The following FARP1 variants were observed in gnomAD, a reference collection of about 807,000 sequenced individuals.
The protein encoded by FARP1 is FERM, ARH/RhoGEF and pleckstrin domain protein 1.
A neutral mutation model predicts 128.8 loss-of-function variants in FARP1; 52 were observed. The ratio of observed to expected loss-of-function variants is 0.40; its 90% CI spans 0.32 to 0.51. The LOEUF (loss-of-function observed/expected upper bound fraction) is 0.51. FARP1 is among the 20% of genes least tolerant of loss of function. The probability of loss-of-function intolerance (pLI) is 0.45; values close to 1 mark genes in which losing one functional copy is unlikely to be tolerated. For missense variants in FARP1, 1,333 were observed against 1,367.9 expected (o/e 0.97, Z 0.40); for synonymous variants, 580 against 551.8 (o/e 1.05, Z -0.72).
chr13:98,409,210 T>A lies in FARP1; in HGVS notation c.1415-128T>A, dbSNP rs949671878. On this transcript the variant is annotated intron_variant, in intron 13 of 26. Transcript: ENST00000319562. ...AGGAAAAAAACTAGAAAATAAAGAA[T>A]CGCTTTAGGTTTGCCATGGCGGGGT... 7 of 685,522 alleles carry A rather than the reference T, an allele frequency of 1.0e-5. No homozygotes were observed. In the Admixed American group the frequency reaches 2.1e-4, roughly 21 times the overall value. The allele number at this position is 685,522 out of a possible 1,614,324, so 42.5% of individuals were successfully genotyped here. A position where few individuals can be genotyped will look rare whatever the true frequency, so the allele number is the denominator to read the frequency against.
At chr13:98,447,918 G>GT (rs1566330565) in intron 26 of FARP1, 36 of 394,184 alleles carry the variant, frequency 9.1e-5, no homozygotes, top group Non-Finnish European at 1.6e-4. Context: ...GCCATTCTCT[G>GT]CCATGTCCAT....
At chr13:98,301,842 A>G (rs571107156) in intron 2 of FARP1, among the ~76,000 whole-genome samples, 12 of 152,260 alleles carry the variant, frequency 7.9e-5, no homozygotes, top group African/African-American at 2.9e-4. Flanking sequence ...GCAGAAAGTA[A>G]AGACTGTCCT....
At chr13:98,362,245 C>T (rs1888902255) in intron 3 of FARP1, among the ~76,000 whole-genome samples, 1 of 152,168 alleles carries the variant, frequency 6.6e-6, no homozygotes, top group African/African-American at 2.4e-5. Context: ...GACGCTGTCT[C>T]AAACAACAAC....
intron 3 of FARP1, among the ~76,000 whole-genome samples, chr13:98,363,152 C>T (rs1237254612): frequency 1.3e-5 from 2 of 152,214 alleles, no homozygotes; most frequent in Non-Finnish European, 2.9e-5. Context: ...AGGATAAGGA[C>T]CAAGCGTCTG....
chr13:98,306,830 T>C (rs1423547844), intron 2 of FARP1, among the ~76,000 whole-genome samples: 1 of 152,168 alleles, frequency 6.6e-6, no homozygotes, highest in African/African-American at 2.4e-5. Flanking sequence ...GGCCTCTAGC[T>C]CCAAAATCTG....
At chr13:98,266,706 G>A (rs932473032) in intron 2 of FARP1, among the ~76,000 whole-genome samples, 3 of 152,088 alleles carry the variant, frequency 2.0e-5, no homozygotes, top group African/African-American at 7.2e-5. Flanking sequence ...GACACACATT[G>A]AAAATTCTAC....
intron 3 of FARP1, among the ~76,000 whole-genome samples, chr13:98,348,920 C>A (rs1472800553): frequency 6.6e-6 from 1 of 151,974 alleles, no homozygotes; most frequent in African/African-American, 2.4e-5. Context: ...CGTGCCCAGT[C>A]CTTAACAATG....
intron 19 of FARP1, chr13:98,437,849 A>G: frequency 6.3e-7 from 1 of 1,596,572 alleles, no homozygotes; most frequent in South Asian, 1.1e-5. Flanking sequence ...GGCCATTGTT[A>G]TTAGTAAAGG....
At chr13:98,191,714 G>A (rs569894033) in intron 1 of FARP1, among the ~76,000 whole-genome samples, 172 of 152,224 alleles carry the variant, frequency 1.1e-3, no homozygotes, top group Non-Finnish European at 2.2e-3. Flanking sequence ...AGGCCGAGGC[G>A]GGCAGATCAC....
intron 3 of FARP1, among the ~76,000 whole-genome samples, chr13:98,344,209 G>A (rs1023122403): frequency 3.9e-5 from 6 of 152,170 alleles, no homozygotes; most frequent in Non-Finnish European, 8.8e-5. Context: ...ATTGGAATAG[G>A]ACCAGACTGG....
intron 6 of FARP1, among the ~76,000 whole-genome samples, chr13:98,378,585 T>C (rs1490571300): frequency 6.6e-6 from 1 of 152,150 alleles, no homozygotes; most frequent in East Asian, 1.9e-4. Context: ...TAAAGGAAAG[T>C]TGTGCTATCA....
At chr13:98,306,376 A>G (rs1265132293) in intron 2 of FARP1, among the ~76,000 whole-genome samples, 2 of 152,224 alleles carry the variant, frequency 1.3e-5, no homozygotes, top group Non-Finnish European at 1.5e-5. Flanking sequence ...CCCCTGTGCT[A>G]GACACTTTAC....
chr13:98,244,405 T>C, intron 2 of FARP1: 12 of 1,226,046 alleles, frequency 9.8e-6, no homozygotes, highest in Non-Finnish European at 1.1e-5. Flanking sequence ...AACTTTGCTG[T>C]GTCTCTTTAT....
intron 2 of FARP1, among the ~76,000 whole-genome samples, chr13:98,274,247 A>T (rs117602349): frequency 0.012 from 1,641 of 137,118 alleles, 15 homozygotes; most frequent in Non-Finnish European, 0.019. Context: ...AGATATCCCC[A>T]GGTTATACAG....
chr13:98,253,252 T>C (rs1306688943), intron 2 of FARP1, among the ~76,000 whole-genome samples: 2 of 152,204 alleles, frequency 1.3e-5, no homozygotes, highest in Non-Finnish European at 2.9e-5. Context: ...TAGTCCTGAG[T>C]TTAGCCTTTT....
chr13:98,249,518 G>T (rs1883226059), intron 2 of FARP1, among the ~76,000 whole-genome samples: 2 of 152,172 alleles, frequency 1.3e-5, no homozygotes, highest in African/African-American at 4.8e-5. Context: ...CTTCTGGTCT[G>T]CTTACTGTTT....
chr13:98,361,558 A>G (rs1391615646), intron 3 of FARP1, among the ~76,000 whole-genome samples: 1 of 152,222 alleles, frequency 6.6e-6, no homozygotes, highest in African/African-American at 2.4e-5. Context: ...TGGCTGGGAC[A>G]GCAGGCTCCC....
intron 2 of FARP1, among the ~76,000 whole-genome samples, chr13:98,224,079 G>A (rs1296667620): frequency 2.0e-5 from 3 of 152,162 alleles, no homozygotes; most frequent in South Asian, 4.1e-4. Context: ...TTTGATCTAG[G>A]CATAAGACTG....
chr13:98,184,585 C>T (rs181150635), intron 1 of FARP1, among the ~76,000 whole-genome samples: 16 of 152,110 alleles, frequency 1.1e-4, no homozygotes, highest in Admixed American at 2.0e-4. Flanking sequence ...AAGTACGACT[C>T]TACATTAAAA....
Sources: allele counts gnomAD v4.1 joint callset (sites outside exome capture counted in the v4.1 genomes callset), GRCh38; gene constraint gnomAD v4.1.1; transcripts MANE v1.5; gene names NCBI Gene and HGNC (gene_info 2026-07-23, HGNC 2026-07-21).